TMEM232: variants seen among roughly 807,000 people sequenced by gnomAD.
TMEM232 encodes the protein transmembrane protein 232.
Under a neutral mutation model 78.8 loss-of-function variants are expected in TMEM232, and 80 were observed. The ratio of observed to expected loss-of-function variants is 1.01; its 90% CI spans 0.85 to 1.22. The LOEUF (loss-of-function observed/expected upper bound fraction) is 1.22. TMEM232 is among the 50% of genes most tolerant of loss of function. The pLI, the probability that TMEM232 is intolerant of heterozygous loss-of-function variation, is 0.00. For missense variants in TMEM232, 881 were observed against 742.2 expected (o/e 1.19, Z -2.17); for synonymous variants, 297 against 254.3 (o/e 1.17, Z -1.60).
At chr5:110,625,579 GT>G in intron 6 of TMEM232, 146 bp from the exon 7 acceptor site, 1 of 625,678 alleles carries the variant, frequency 1.6e-6, no homozygotes, top group Non-Finnish European at 2.5e-6. Context: ...ATAATGTTAT[GT>G]ATGCCCCCTG....
chr5:110,469,524 C>T (rs938630280), intron 12 of TMEM232, among the ~76,000 whole-genome samples: 4 of 152,114 alleles, frequency 2.6e-5, no homozygotes, highest in Non-Finnish European at 5.9e-5. Flanking sequence ...CCTCTCCAAG[C>T]CACTGCTGCA....
intron 10 of TMEM232, among the ~76,000 whole-genome samples, chr5:110,597,616 C>G (rs1423609140): frequency 6.6e-6 from 1 of 151,700 alleles, no homozygotes; most frequent in East Asian, 1.9e-4. Context: ...TCAAACTATA[C>G]TACAAGGCTA....
At chr5:110,662,863 A>T (rs1789984363) in intron 2 of TMEM232, among the ~76,000 whole-genome samples, 1 of 152,098 alleles carries the variant, frequency 6.6e-6, no homozygotes, top group Non-Finnish European at 1.5e-5. Context: ...TAAAACAATA[A>T]GGTTTTTAGA....
At chr5:110,652,123 T>C (rs1486291306) in intron 2 of TMEM232, among the ~76,000 whole-genome samples, 1 of 152,204 alleles carries the variant, frequency 6.6e-6, no homozygotes, top group African/African-American at 2.4e-5. Flanking sequence ...AAATGAACTG[T>C]CTGACTCAAA....
chr5:110,470,349 G>A (rs183592835), intron 12 of TMEM232, among the ~76,000 whole-genome samples: 8 of 151,564 alleles, frequency 5.3e-5, no homozygotes, highest in African/African-American at 1.2e-4. Context: ...CATTCTACCC[G>A]ACCACAGAGA....
intron 12 of TMEM232, among the ~76,000 whole-genome samples, chr5:110,487,361 T>G (rs1001837725): frequency 6.6e-6 from 1 of 152,084 alleles, no homozygotes; most frequent in African/African-American, 2.4e-5. Context: ...AGAAGAGTGG[T>G]GAGAGTGGGC....
In TMEM232 at chr5:110,618,637, A is replaced by G. The variant is rs571062084; in HGVS notation, c.769-75T>C. 21 of 1,360,940 alleles carry G rather than the reference A, an allele frequency of 1.5e-5. No individual in the cohort carries two copies. The African/African-American group carries it at 1.8e-4, about 12-fold the overall frequency. The allele number at this position is 1,360,940 out of a possible 1,614,324, so 84.3% of individuals were successfully genotyped here. A position where few individuals can be genotyped will look rare whatever the true frequency, so the allele number is the denominator to read the frequency against. On this transcript the variant is annotated intron_variant, in intron 7 of 13. Coordinates refer to ENST00000455884, the MANE Select transcript of TMEM232 (RefSeq NM_001039763.4). Reference sequence around the variant, plus strand: ...AAAGAGTACTCTGACTTGAACAAACATGAAAATAAATTTTAAATATACAAA... The same window carrying G: ...AAAGAGTACTCTGACTTGAACAAACGTGAAAATAAATTTTAAATATACAAA...
At chr5:110,518,637 G>A (rs1769040968) in intron 12 of TMEM232, among the ~76,000 whole-genome samples, 1 of 151,916 alleles carries the variant, frequency 6.6e-6, no homozygotes, top group African/African-American at 2.4e-5. Context: ...TGCTTAAAAC[G>A]ATTTCAAAAC....
At chr5:110,517,725 G>A (rs1375321579) in intron 12 of TMEM232, among the ~76,000 whole-genome samples, 1 of 152,196 alleles carries the variant, frequency 6.6e-6, no homozygotes, top group Non-Finnish European at 1.5e-5. Flanking sequence ...CATTTGGGGA[G>A]GAGACATTCT....
At chr5:110,562,350 A>G (rs749005063) in intron 11 of TMEM232, among the ~76,000 whole-genome samples, 6 of 152,068 alleles carry the variant, frequency 3.9e-5, no homozygotes, top group Non-Finnish European at 8.8e-5. Flanking sequence ...TTCTTTTCAC[A>G]GTGTTCTTAT....
At chr5:110,482,576 C>T (rs1218250011) in intron 12 of TMEM232, among the ~76,000 whole-genome samples, 1 of 145,874 alleles carries the variant, frequency 6.9e-6, no homozygotes, top group Non-Finnish European at 1.5e-5. Context: ...AGTGAAACTC[C>T]ATCTCAAAAA....
chr5:110,705,850 C>A (rs1055659352), intron 1 of TMEM232, among the ~76,000 whole-genome samples: 11 of 151,276 alleles, frequency 7.3e-5, no homozygotes, highest in Non-Finnish European at 1.2e-4. Context: ...ATGGTACTGT[C>A]CCCAAAATGT....
At chr5:110,572,872 T>A (rs998415014) in intron 10 of TMEM232, among the ~76,000 whole-genome samples, 6 of 152,072 alleles carry the variant, frequency 3.9e-5, no homozygotes, top group Admixed American at 2.0e-4. Context: ...GTAGACCACA[T>A]TCTAATTTGC....
chr5:110,676,401 C>CTTTTCT (rs1262286170), intron 1 of TMEM232, among the ~76,000 whole-genome samples: 2 of 141,830 alleles, frequency 1.4e-5, no homozygotes, highest in African/African-American at 5.2e-5. Context: ...GTTCCCTTTT[C>CTTTTCT]TTTTTTTTTT....
At chr5:110,694,257 G>A (rs1399664789) in intron 1 of TMEM232, among the ~76,000 whole-genome samples, 1 of 152,160 alleles carries the variant, frequency 6.6e-6, no homozygotes, top group Non-Finnish European at 1.5e-5. Flanking sequence ...CAAATGCTGA[G>A]AGATTCTGTC....
chr5:110,571,151 C>T (rs1776894723), intron 10 of TMEM232, among the ~76,000 whole-genome samples: 1 of 152,010 alleles, frequency 6.6e-6, no homozygotes, highest in Non-Finnish European at 1.5e-5. Flanking sequence ...TGTATTGTAT[C>T]ATATTGTACT....
intron 10 of TMEM232, among the ~76,000 whole-genome samples, chr5:110,599,072 G>T (rs538730079): frequency 6.6e-6 from 1 of 152,092 alleles, no homozygotes; most frequent in Admixed American, 6.6e-5. Flanking sequence ...AAACTAATTT[G>T]CTTCATAAGT....
At chr5:110,583,357 G>A (rs1036312595) in intron 10 of TMEM232, among the ~76,000 whole-genome samples, 30 of 151,858 alleles carry the variant, frequency 2.0e-4, no homozygotes, top group African/African-American at 7.3e-4. Context: ...ACGGCCAACT[G>A]ATATTCTACA....
At chr5:110,583,716 A>G (rs1169160331) in intron 10 of TMEM232, among the ~76,000 whole-genome samples, 1 of 151,872 alleles carries the variant, frequency 6.6e-6, no homozygotes, top group African/African-American at 2.4e-5. Flanking sequence ...GAATGGGGGG[A>G]TTATATTTGC....
Sources: allele counts gnomAD v4.1 joint callset (sites outside exome capture counted in the v4.1 genomes callset), GRCh38; gene constraint gnomAD v4.1.1; transcripts MANE v1.5; gene names NCBI Gene and HGNC (gene_info 2026-07-23, HGNC 2026-07-21).